NAV3: variants seen among roughly 807,000 people sequenced by gnomAD.
The protein encoded by NAV3 is pore membrane and/or filament interacting like protein 1.
In NAV3, 87 loss-of-function variants were observed where a neutral mutation model predicts 244.7. The ratio of observed to expected loss-of-function variants is 0.36; its 90% CI spans 0.30 to 0.42. The LOEUF is 0.42. Ranked by LOEUF, NAV3 falls within the 20% of genes least tolerant of loss-of-function variation. NAV3 has a pLI of 1.00. For synonymous variants in NAV3, 1,126 were observed against 1,042.2 expected, an observed-to-expected ratio of 1.08 and a Z score of -1.55; for missense variants, 2,663 against 2,893.3, an observed-to-expected ratio of 0.92 and a Z score of 1.83.
intron 2 of NAV3, among the ~76,000 whole-genome samples, chr12:77,788,765 C>T (rs1051428840): frequency 6.6e-6 from 1 of 151,666 alleles, no homozygotes; most frequent in African/African-American, 2.4e-5. Flanking sequence ...ATTTCCATTT[C>T]TAAGACACAG....
At chr12:78,021,151 A>T (rs1232141800) in intron 8 of NAV3, among the ~76,000 whole-genome samples, 1 of 152,160 alleles carries the variant, frequency 6.6e-6, no homozygotes, top group Non-Finnish European at 1.5e-5. Flanking sequence ...CAAGTTAACC[A>T]CACACACAAA....
chr12:77,737,165 T>C (rs1877371176), intron 2 of NAV3, among the ~76,000 whole-genome samples: 1 of 150,004 alleles, frequency 6.7e-6, no homozygotes, highest in Non-Finnish European at 1.5e-5. Flanking sequence ...GATGTTTCTG[T>C]TGGTGTTCAG....
At chr12:77,877,706 T>C (rs949466777) in intron 1 of NAV3, among the ~76,000 whole-genome samples, 2 of 151,968 alleles carry the variant, frequency 1.3e-5, no homozygotes, top group African/African-American at 4.8e-5. Flanking sequence ...GAGGGGAGCA[T>C]AATAACTCCC....
At chr12:78,125,496 T>C (rs2138774512) in intron 16 of NAV3, among the ~76,000 whole-genome samples, 1 of 152,352 alleles carries the variant, frequency 6.6e-6, no homozygotes, top group Non-Finnish European at 1.5e-5. Flanking sequence ...TGTGTCTGAC[T>C]CAACTAAATT....
In NAV3 at chr12:77,958,987, C is replaced by T. The variant is rs916392150; in HGVS notation, c.415-7242C>T. Reference sequence around the variant, plus strand: ...TTTGTATTACTGCTATAAAGGAATACGTGTTTTAATATCACAGGAATAACA... The same window carrying T: ...TTTGTATTACTGCTATAAAGGAATATGTGTTTTAATATCACAGGAATAACA... On this transcript the variant is annotated intron_variant, in intron 3 of 39. Transcript: ENST00000397909. Among the ~76,000 whole-genome samples the T allele has an allele frequency of 5.3e-5, 8 of 151,992 alleles. No homozygotes were observed. In the South Asian group the frequency reaches 6.2e-4, roughly 12 times the overall value.
At chr12:78,207,904 A>G (rs1241409108) in intron 39 of NAV3, among the ~76,000 whole-genome samples, 1 of 152,194 alleles carries the variant, frequency 6.6e-6, no homozygotes, top group Admixed American at 6.5e-5. Flanking sequence ...TGAAGGAGAT[A>G]GGATGGAATC....
chr12:78,044,363 A>G (rs949087927), intron 9 of NAV3, among the ~76,000 whole-genome samples: 12 of 152,134 alleles, frequency 7.9e-5, no homozygotes, highest in Admixed American at 2.6e-4. Flanking sequence ...GTCAGGTAGC[A>G]TGATGCTTCC....
intron 2 of NAV3, among the ~76,000 whole-genome samples, chr12:77,813,898 T>G (rs1872414933): frequency 6.6e-6 from 1 of 152,210 alleles, no homozygotes. Flanking sequence ...TAAATACATC[T>G]CAGCGATTTT....
At chr12:78,034,979 T>G (rs955009245) in intron 9 of NAV3, among the ~76,000 whole-genome samples, 1 of 152,212 alleles carries the variant, frequency 6.6e-6, no homozygotes, top group Non-Finnish European at 1.5e-5. Flanking sequence ...CACAGATTTC[T>G]TTATTGCAGA....
intron 1 of NAV3, among the ~76,000 whole-genome samples, chr12:77,858,591 T>C (rs1420569540): frequency 6.6e-6 from 1 of 152,070 alleles, no homozygotes; most frequent in African/African-American, 2.4e-5. Context: ...CACTATCTCA[T>C]TGTGGTTTTT....
At chr12:77,998,505 A>ATG in intron 7 of NAV3, 29 bp downstream of exon 7, 1 of 1,577,748 alleles carries the variant, frequency 6.3e-7, no homozygotes, top group East Asian at 2.3e-5. Flanking sequence ...ATTATGACAC[A>ATG]AGTCCAACAT....
intron 23 of NAV3, among the ~76,000 whole-genome samples, chr12:78,160,804 C>T (rs1220436779): frequency 6.6e-6 from 1 of 151,966 alleles, no homozygotes; most frequent in African/African-American, 2.4e-5. Context: ...TGTTCTAGCA[C>T]AGCTAACAAA....
intron 2 of NAV3, among the ~76,000 whole-genome samples, chr12:77,684,860 G>A (rs763709085): frequency 4.0e-5 from 6 of 151,840 alleles, no homozygotes; most frequent in African/African-American, 7.3e-5. Context: ...TCATGGTTCC[G>A]TTTTTTTCCA....
chr12:77,741,146 G>GCCAAAAAAAAAAAAAAAAAAAAAAAAAA (rs1868321359), intron 2 of NAV3, among the ~76,000 whole-genome samples: 1 of 7,372 alleles, frequency 1.4e-4, no homozygotes, highest in African/African-American at 4.4e-4. Context: ...AAAAAAAAAA[G>GCCAAAAAAAAAAAAAAAAAAAAAAAAAA]ACAAAAAAAA....
chr12:78,175,169 C>A, intron 24 of NAV3, 137 bp from the exon 25 acceptor site: 1 of 862,038 alleles, frequency 1.2e-6, no homozygotes, highest in Non-Finnish European at 1.7e-6. Context: ...CTTCTAAAGT[C>A]AAAACTGCAT....
chr12:78,001,571 T>A (rs1873314446), intron 7 of NAV3, among the ~76,000 whole-genome samples: 1 of 152,236 alleles, frequency 6.6e-6, no homozygotes, highest in Admixed American at 6.5e-5. Context: ...TTTAAAGTGA[T>A]GTGACGCTTA....
chr12:77,663,798 G>A (rs906978039), intron 2 of NAV3, among the ~76,000 whole-genome samples: 2 of 152,208 alleles, frequency 1.3e-5, no homozygotes, highest in Non-Finnish European at 2.9e-5. Context: ...TGGGATTACA[G>A]GCGTGAGCCA....
chr12:77,710,258 A>T (rs990784512), intron 2 of NAV3, among the ~76,000 whole-genome samples: 2 of 152,112 alleles, frequency 1.3e-5, no homozygotes, highest in African/African-American at 4.8e-5. Flanking sequence ...TTTTGCATGG[A>T]TTCTCTCAAT....
chr12:77,968,507 C>T lies in NAV3; in HGVS notation c.488-12C>T, dbSNP rs1446313007. ...CATATGATTCTTTTTTTGTATTTTT[C>T]ATTTCATACAGAAATAAGAAATGGA... is the stretch of plus-strand genomic sequence containing the variant. On this transcript the variant is annotated splice_polypyrimidine_tract_variant and intron_variant, in intron 4 of 39. Coordinates refer to ENST00000397909, the MANE Select transcript of NAV3 (RefSeq NM_001024383.2). 2 of 1,593,596 alleles carry T rather than the reference C, an allele frequency of 1.3e-6. No homozygotes were observed. Among genetic ancestry groups the T allele is most frequent in the Admixed American group, 1.7e-5 (1 of 57,602 alleles).
Sources: gnomAD v4.1 joint callset for allele counts (sites outside exome capture counted in the v4.1 genomes callset) on GRCh38, gnomAD v4.1.1 for gene constraint, MANE v1.5 for transcripts, NCBI Gene and HGNC (gene_info 2026-07-23, HGNC 2026-07-21) for gene names.